Variants in ATE1 observed in about 807,000 individuals in gnomAD.
ATE1 encodes the protein arginyltransferase 1, also known as arginyl-tRNA--protein transferase 1.
A neutral mutation model predicts 70.5 loss-of-function variants in ATE1; 36 were observed. That is an observed-to-expected ratio of 0.51 (90% CI 0.39 to 0.67). The LOEUF is 0.67. Ranked by LOEUF, ATE1 falls within the 30% of genes least tolerant of loss-of-function variation. The pLI is 0.00. For synonymous variants in ATE1, 232 were observed against 219.3 expected (o/e 1.06, Z -0.51); for missense variants, 593 against 629.5 (o/e 0.94, Z 0.62).
intron 2 of ATE1, among the ~76,000 whole-genome samples, chr10:121,923,765 AAAG>A (rs1345509442): frequency 1.3e-5 from 2 of 152,216 alleles, no homozygotes; most frequent in African/African-American, 2.4e-5. Context: ...ATAAACTGTT[AAAG>A]AAGACATTTT....
chr10:121,780,877 G>A (rs4751857), intron 11 of ATE1, among the ~76,000 whole-genome samples: 143,741 of 152,258 alleles, frequency 0.94, 68,083 homozygotes, highest in Non-Finnish European at 0.98. Flanking sequence ...CATGCTACTT[G>A]TCACACTTAT....
chr10:121,742,966 G>C lies in ATE1; in HGVS notation c.*714C>G, dbSNP rs577243484. ...AGAAGTAAAGCAAATAATATAACTA[G>C]AGTAATTATGTATTTTATTGTCCAA... On this transcript the variant is annotated 3_prime_UTR_variant, in exon 12 of 12. Coordinates refer to ENST00000224652, the MANE Select transcript of ATE1 (RefSeq NM_001001976.3). 1 of 152,168 alleles carries C rather than the reference G, an allele frequency of 6.6e-6. No individual in the cohort carries two copies. Among genetic ancestry groups the C allele is most frequent in the South Asian group, 2.1e-4 (1 of 4,818 alleles). 9.4% of individuals were successfully genotyped at this position (152,168 alleles called of 1,614,324 possible). A position where few individuals can be genotyped will look rare whatever the true frequency, so the allele number is the denominator to read the frequency against.
chr10:121,870,266 A>G (rs776072326), intron 7 of ATE1, among the ~76,000 whole-genome samples: 27 of 152,206 alleles, frequency 1.8e-4, no homozygotes, highest in Non-Finnish European at 3.2e-4. Context: ...TATTCTTAAA[A>G]ATCTATATAA....
intron 10 of ATE1, among the ~76,000 whole-genome samples, chr10:121,809,994 G>A (rs1270233470): frequency 6.6e-6 from 1 of 152,090 alleles, no homozygotes; most frequent in African/African-American, 2.4e-5. Context: ...CCCAGGTGAG[G>A]AAGGTTTACT....
chr10:121,805,310 G>T (rs901325287), intron 10 of ATE1, among the ~76,000 whole-genome samples: 14 of 152,130 alleles, frequency 9.2e-5, no homozygotes, highest in Non-Finnish European at 1.2e-4. Flanking sequence ...TTTTAGTAAA[G>T]ATTATACTAA....
intron 11 of ATE1, among the ~76,000 whole-genome samples, chr10:121,756,230 C>T (rs936501628): frequency 5.3e-5 from 8 of 152,222 alleles, no homozygotes; most frequent in South Asian, 2.1e-4. Flanking sequence ...GCCTCGCATC[C>T]GGGTCACTCT....
chr10:121,790,953 T>TGTAC (rs1946408375), intron 10 of ATE1, among the ~76,000 whole-genome samples: 1 of 5,434 alleles, frequency 1.8e-4, no homozygotes, highest in Non-Finnish European at 1.2e-3. Context: ...TATATATGTG[T>TGTAC]ATATATATAT....
At chr10:121,909,448 T>G (rs1951333949) in intron 5 of ATE1, among the ~76,000 whole-genome samples, 1 of 152,196 alleles carries the variant, frequency 6.6e-6, no homozygotes, top group Admixed American at 6.5e-5. Flanking sequence ...TTTTTTAAAG[T>G]TCTTATCTTT....
intron 3 of ATE1, among the ~76,000 whole-genome samples, chr10:121,918,402 C>G (rs368147309): frequency 6.6e-6 from 1 of 151,724 alleles, no homozygotes; most frequent in Admixed American, 6.6e-5. Flanking sequence ...TTTGATGCCA[C>G]GTAAAATGCA....
intron 3 of ATE1, among the ~76,000 whole-genome samples, chr10:121,915,883 T>A (rs1590718753): frequency 3.0e-5 from 4 of 133,158 alleles, no homozygotes; most frequent in African/African-American, 5.6e-5. Context: ...AGAGTGAGAC[T>A]CCATCTCAAA....
At chr10:121,767,388 C>A (rs1945321338) in intron 11 of ATE1, among the ~76,000 whole-genome samples, 1 of 151,926 alleles carries the variant, frequency 6.6e-6, no homozygotes, top group Admixed American at 6.6e-5. Context: ...GAAGTTTTGG[C>A]CAGTGCAATA....
At chr10:121,873,101 A>T (rs1949917915) in intron 7 of ATE1, among the ~76,000 whole-genome samples, 1 of 152,154 alleles carries the variant, frequency 6.6e-6, no homozygotes, top group Non-Finnish European at 1.5e-5. Flanking sequence ...ACATAGTTCA[A>T]TAAAGGAATA....
chr10:121,760,991 A>G (rs1001550400), intron 11 of ATE1, among the ~76,000 whole-genome samples: 2 of 152,196 alleles, frequency 1.3e-5, no homozygotes, highest in African/African-American at 4.8e-5. Flanking sequence ...TGGATCCCTC[A>G]TTAACAGATT....
chr10:121,826,984 T>C (rs1948046265), intron 10 of ATE1, among the ~76,000 whole-genome samples: 1 of 151,946 alleles, frequency 6.6e-6, no homozygotes, highest in Non-Finnish European at 1.5e-5. Context: ...ATAGTATATC[T>C]GTATCACATT....
chr10:121,908,225 C>T (rs1332873531), intron 5 of ATE1, among the ~76,000 whole-genome samples: 2 of 152,148 alleles, frequency 1.3e-5, no homozygotes, highest in African/African-American at 2.4e-5. Flanking sequence ...TCCTACCAGC[C>T]GGGTGCAGTG....
intron 7 of ATE1, among the ~76,000 whole-genome samples, chr10:121,885,260 CAAAAAAAAAA>C (rs1212899309): frequency 6.0e-5 from 2 of 33,374 alleles, no homozygotes; most frequent in African/African-American, 2.3e-4. Context: ...GACTCCGTCT[CAAAAAAAAAA>C]AAAAAAAAAA....
chr10:121,927,423 G>A, intron 1 of ATE1: 2 of 984,518 alleles, frequency 2.0e-6, no homozygotes, highest in Non-Finnish European at 2.4e-6. Flanking sequence ...ATACATGACC[G>A]GCACCTGTGT....
At chr10:121,859,306 G>A (rs1949381677) in intron 8 of ATE1, among the ~76,000 whole-genome samples, 1 of 150,084 alleles carries the variant, frequency 6.7e-6, no homozygotes, top group South Asian at 2.1e-4. Flanking sequence ...GCCCAGGCTG[G>A]AGTGCAGTGG....
intron 10 of ATE1, among the ~76,000 whole-genome samples, chr10:121,829,040 G>T (rs764729025): frequency 4.7e-5 from 7 of 150,308 alleles, no homozygotes; most frequent in Non-Finnish European, 1.0e-4. Flanking sequence ...CTTCACTAGG[G>T]CAGAACCCTC....
Sources: gnomAD v4.1 joint callset for allele counts (sites outside exome capture counted in the v4.1 genomes callset) on GRCh38, gnomAD v4.1.1 for gene constraint, MANE v1.5 for transcripts, NCBI Gene and HGNC (gene_info 2026-07-23, HGNC 2026-07-21) for gene names.